The following PYROXD1 variants were observed in gnomAD, a reference collection of about 807,000 sequenced individuals.
PYROXD1 encodes the protein tRNA ligase complex-associated NAD(P)H dehydrogenase PYROXD1.
In PYROXD1, 42 loss-of-function variants were observed where a neutral mutation model predicts 62.0. The observed-to-expected ratio is 0.68, with a 90% CI of 0.53 to 0.88. The LOEUF (loss-of-function observed/expected upper bound fraction) is 0.88, where lower values mean the gene tolerates loss of function less well. Among genes scored for constraint, PYROXD1 ranks in the 40% least tolerant of loss-of-function variants. The pLI is 0.00. For missense variants in PYROXD1, 493 were observed against 604.8 expected (o/e 0.82, Z 1.94); for synonymous variants, 170 against 206.4 (o/e 0.82, Z 1.51).
At position 21,462,365 on chromosome 12, in the gene PYROXD1, T is replaced by C. The variant is rs560407541; in HGVS notation, c.993+245T>C. Among the ~76,000 whole-genome samples, 4 of 152,292 alleles carry C rather than the reference T, an allele frequency of 2.6e-5. No homozygotes were observed. In the South Asian group the frequency reaches 8.3e-4, roughly 32 times the overall value. On this transcript the variant is annotated intron_variant, in intron 9 of 11. Transcript: ENST00000240651. ...ATAATGTACAATTTATTTATCTAAA[T>C]GTTGGTAAGAGACTGACACCTCCCG... is the stretch of plus-strand genomic sequence containing the variant.
chr12:21,440,538 T>C (rs1456430146), intron 2 of PYROXD1, 90 bp downstream of exon 2: 2 of 730,116 alleles, frequency 2.7e-6, no homozygotes, highest in Admixed American at 5.4e-5. Flanking sequence ...TTTTTTTCTT[T>C]CTTAAAAATT....
intron 7 of PYROXD1, among the ~76,000 whole-genome samples, chr12:21,460,233 A>G (rs992357714): frequency 6.9e-5 from 7 of 101,486 alleles, no homozygotes; most frequent in African/African-American, 2.6e-4. Flanking sequence ...TCAGATCCTA[A>G]TATTATATTT....
chr12:21,470,886 T>C lies in PYROXD1; in HGVS notation c.*2132T>C. The C allele has an allele frequency of 1.0e-6, 1 of 1,004,902 alleles. No individual in the cohort carries two copies. The highest frequency in any genetic ancestry group is 3.5e-5 in the South Asian group (1 of 28,254). The allele number at this position is 1,004,902 out of a possible 1,614,324, so 62.2% of individuals were successfully genotyped here. A position where few individuals can be genotyped will look rare whatever the true frequency, so the allele number is the denominator to read the frequency against. On this transcript the variant is annotated 3_prime_UTR_variant, in exon 12 of 12. Coordinates refer to ENST00000240651, the MANE Select transcript of PYROXD1 (RefSeq NM_024854.5). The stretch of plus-strand genomic sequence containing the variant: ...GACTTTTCTCATGTTCAACTGGACC[T>C]AGGGGAATATGACAGAAAAGCATCC...
chr12:21,437,784 C>T lies in PYROXD1; in HGVS notation c.54C>T (p.Gly18=). 6.2e-7 allele frequency: 1 copy of T among 1,612,788 alleles called. No individual in the cohort carries two copies. Among genetic ancestry groups the T allele is most frequent in the South Asian group, 1.1e-5 (1 of 90,680 alleles). The change falls in exon 1 of 12, where the codon GGC becomes GGT. Residue 18 remains glycine (G), a synonymous_variant. Transcript: ENST00000240651. The part of the protein sequence containing the change: ...PTAGKFVVVG[G]GIAGVTCAEQ... ...CAGGGAAGTTCGTGGTGGTCGGCGG[C>T]GGCATCGCGGGCGTCACTTGTGCGG... is the stretch of plus-strand genomic sequence containing the variant.
Position 21,469,795 on chromosome 12 carries a change from T to C in PYROXD1, c.*1041T>C, listed in dbSNP as rs1942886855. 3 of 160,318 alleles carry C rather than the reference T, an allele frequency of 1.9e-5. No individual in the cohort carries two copies. The highest frequency in any genetic ancestry group is 1.8e-4 in the South Asian group (1 of 5,702). 9.9% of individuals were successfully genotyped at this position (160,318 alleles called of 1,614,324 possible). A position where few individuals can be genotyped will look rare whatever the true frequency, so the allele number is the denominator to read the frequency against. On this transcript the variant is annotated 3_prime_UTR_variant, in exon 12 of 12. Coordinates refer to ENST00000240651, the MANE Select transcript of PYROXD1 (RefSeq NM_024854.5). ...AGGGAAGCCAAAAGATTGGACATCC[T>C]TGATCTACATATTTAACTTAAAGTA...
At chr12:21,461,449 A>G (rs1489678678) in intron 8 of PYROXD1, among the ~76,000 whole-genome samples, 5 of 152,202 alleles carry the variant, frequency 3.3e-5, no homozygotes, top group Non-Finnish European at 7.3e-5. Flanking sequence ...CTTAAAGGTG[A>G]CATGATTTCA....
chr12:21,455,392 A>G, intron 6 of PYROXD1, 100 bp downstream of exon 6: 1 of 557,268 alleles, frequency 1.8e-6, no homozygotes, highest in East Asian at 3.6e-5. Context: ...TTTTGGAAAT[A>G]GTAATATGGA....
intron 3 of PYROXD1, among the ~76,000 whole-genome samples, chr12:21,449,304 A>G (rs1369377214): frequency 6.6e-6 from 1 of 152,192 alleles, no homozygotes; most frequent in Non-Finnish European, 1.5e-5. Flanking sequence ...GTACCTTTTT[A>G]TGCCAGGGGA....
intron 2 of PYROXD1, among the ~76,000 whole-genome samples, chr12:21,444,130 A>G (rs1942344856): frequency 6.6e-6 from 1 of 152,110 alleles, no homozygotes; most frequent in South Asian, 2.1e-4. Context: ...TAGGCCTCTT[A>G]TTTACTGGTC....
At position 21,437,713 on chromosome 12, in the gene PYROXD1, C is replaced by T. The variant is rs112602513; in HGVS notation, c.-18C>T. 23 of 1,607,706 alleles carry T rather than the reference C, an allele frequency of 1.4e-5. No individual in the cohort carries two copies. In the African/African-American group the frequency reaches 2.9e-4, roughly 21 times the overall value. The stretch of plus-strand genomic sequence containing the variant: ...TGCTCCGCCGCGATATTCAGTAAAC[C>T]ACTGGGAGTCCGGCAGCATGGAGGC... On this transcript the variant is annotated 5_prime_UTR_variant, in exon 1 of 12. Coordinates refer to ENST00000240651, the MANE Select transcript of PYROXD1 (RefSeq NM_024854.5).
chr12:21,471,172 C>A lies in PYROXD1; in HGVS notation c.*2418C>A. ...GAAAACAAATTTATAAAAGAAATAACTATATGCGCAGTAATTCTTAACACA... is the reference window on the plus strand; with the variant it reads ...GAAAACAAATTTATAAAAGAAATAAATATATGCGCAGTAATTCTTAACACA... On this transcript the variant is annotated 3_prime_UTR_variant, in exon 12 of 12. Coordinates refer to ENST00000240651, the MANE Select transcript of PYROXD1 (RefSeq NM_024854.5). The A allele has an allele frequency of 7.3e-7, 1 of 1,374,056 alleles. No individual in the cohort carries two copies. Among genetic ancestry groups the A allele is most frequent in the African/African-American group, 1.5e-5 (1 of 66,948 alleles). 85.1% of individuals were successfully genotyped at this position (1,374,056 alleles called of 1,614,324 possible).
intron 1 of PYROXD1, among the ~76,000 whole-genome samples, chr12:21,439,238 T>C (rs1264704949): frequency 6.6e-6 from 1 of 152,212 alleles, no homozygotes; most frequent in Non-Finnish European, 1.5e-5. Context: ...CTTGATCATA[T>C]GAAAAGGCTT....
At chr12:21,443,187 C>T (rs1269286720) in intron 2 of PYROXD1, among the ~76,000 whole-genome samples, 1 of 152,082 alleles carries the variant, frequency 6.6e-6, no homozygotes, top group Non-Finnish European at 1.5e-5. Context: ...ACCAGAAGCT[C>T]CCAGAATGAT....
intron 5 of PYROXD1, among the ~76,000 whole-genome samples, chr12:21,453,061 C>T (rs1942530457): frequency 6.6e-6 from 1 of 151,946 alleles, no homozygotes; most frequent in African/African-American, 2.4e-5. Flanking sequence ...AGGGTCAAAA[C>T]CAAAATGTGG....
intron 10 of PYROXD1, among the ~76,000 whole-genome samples, chr12:21,466,255 G>A (rs1164930638): frequency 6.7e-6 from 1 of 149,914 alleles, no homozygotes; most frequent in Non-Finnish European, 1.5e-5. Flanking sequence ...AATTACCTTG[G>A]GCAGTATGGC....
chr12:21,454,577 T>A (rs1211231756), intron 5 of PYROXD1, among the ~76,000 whole-genome samples: 10 of 152,008 alleles, frequency 6.6e-5, no homozygotes, highest in African/African-American at 2.4e-4. Context: ...ATATATACCA[T>A]TTTCATTCTT....
rs560323354 is a variant in PYROXD1 at position 21,469,593 on chromosome 12, AAG to A, written c.*840_*841del. 141 of 152,206 alleles carry A rather than the reference AAG, an allele frequency of 9.3e-4. No individual in the cohort carries two copies. Among genetic ancestry groups the A allele is most frequent in the African/African-American group, 3.1e-3 (130 of 41,448 alleles). The allele number at this position is 152,206 out of a possible 1,614,324, so 9.4% of individuals were successfully genotyped here. A position where few individuals can be genotyped will look rare whatever the true frequency, so the allele number is the denominator to read the frequency against. ...AAGAAAAAATATAGCTAAGTATATA[AAG>A]GCATAAAAAACTTAAGACAATTACA... On this transcript the variant is annotated 3_prime_UTR_variant, in exon 12 of 12. Transcript: ENST00000240651.
At position 21,446,776 on chromosome 12, in the gene PYROXD1, A is replaced by G. The variant is rs370497627; in HGVS notation, c.285+1310A>G. 5.9e-5 allele frequency among the ~76,000 whole-genome samples: 9 copies of G among 151,908 alleles called. 1 individual carries two copies. The East Asian group carries it at 1.2e-3, about 20-fold the overall frequency. On this transcript the variant is annotated intron_variant, in intron 3 of 11. Coordinates refer to ENST00000240651, the MANE Select transcript of PYROXD1 (RefSeq NM_024854.5). ...AAAATATACAAAAAGTTAATCAGGC[A>G]TGGTGGCGTGCACTTGTAGTCCCAG...
chr12:21,457,737 A>C (rs147164571), intron 7 of PYROXD1, among the ~76,000 whole-genome samples: 18 of 152,086 alleles, frequency 1.2e-4, no homozygotes, highest in Non-Finnish European at 2.2e-4. Flanking sequence ...CCTTTAAACA[A>C]CCAGATCTCA....
Sources: gnomAD v4.1 joint callset for allele counts (sites outside exome capture counted in the v4.1 genomes callset) on GRCh38, gnomAD v4.1.1 for gene constraint, MANE v1.5 for transcripts, NCBI Gene and HGNC (gene_info 2026-07-23, HGNC 2026-07-21) for gene names.